MREG: variants seen among roughly 807,000 people sequenced by gnomAD.
MREG encodes the protein melanoregulin, also known as dilute suppressor protein homolog.
In MREG, 31 loss-of-function variants were observed where a neutral mutation model predicts 28.5. That is an observed-to-expected ratio of 1.09 (90% CI 0.82 to 1.47). MREG has a LOEUF of 1.47. Among genes scored for constraint, MREG ranks in the 40% most tolerant of loss-of-function variants. MREG has a pLI of 0.00. For synonymous variants in MREG, 106 were observed against 95.2 expected, an observed-to-expected ratio of 1.11 and a Z score of -0.66; for missense variants, 256 against 257.4, an observed-to-expected ratio of 0.99 and a Z score of 0.04.
At chr2:215,963,652 C>T (rs557451168) in intron 2 of MREG, among the ~76,000 whole-genome samples, 2 of 152,216 alleles carry the variant, frequency 1.3e-5, no homozygotes, top group Admixed American at 1.3e-4. Context: ...ACATTATACT[C>T]AATTGTTTAA....
rs1693132754 is a variant in MREG at position 215,972,607 on chromosome 2, C to G, written c.255+23699G>C. 4.8e-5 allele frequency among the ~76,000 whole-genome samples: 6 copies of G among 126,078 alleles called. No homozygotes were observed. In the South Asian group the frequency reaches 1.6e-3, roughly 33 times the overall value. The allele number at this position is 126,078 out of a possible 152,430, so 82.7% of individuals were successfully genotyped here. ...CTTCAGTCTAGCCAATAGAGTGAGA[C>G]TCTCTCCCAGAAAAAAAAAAAAAAA... is the stretch of plus-strand genomic sequence containing the variant. On this transcript the variant is annotated intron_variant, in intron 2 of 4. Transcript: ENST00000263268.
intron 1 of MREG, among the ~76,000 whole-genome samples, chr2:216,026,257 A>C (rs1694592759): frequency 6.6e-6 from 1 of 152,242 alleles, no homozygotes; most frequent in African/African-American, 2.4e-5. Flanking sequence ...GGATGATGAA[A>C]ACGTTTTGAA....
At chr2:215,945,837 T>A in intron 3 of MREG, 103 bp from the exon 4 acceptor site, 1 of 981,616 alleles carries the variant, frequency 1.0e-6, no homozygotes, top group Admixed American at 2.8e-5. Context: ...ATGTGGATTC[T>A]GTACAAGCAT....
chr2:215,960,901 G>A (rs1225781579), intron 2 of MREG, among the ~76,000 whole-genome samples: 1 of 152,056 alleles, frequency 6.6e-6, no homozygotes, highest in Admixed American at 6.6e-5. Context: ...GTCAAGGAGG[G>A]CACCCTCTTC....
At chr2:215,992,880 G>A (rs1437072257) in intron 2 of MREG, among the ~76,000 whole-genome samples, 2 of 152,092 alleles carry the variant, frequency 1.3e-5, no homozygotes, top group African/African-American at 2.4e-5. Flanking sequence ...CCTCTTCAGG[G>A]AGAACTACAA....
intron 2 of MREG, among the ~76,000 whole-genome samples, chr2:215,990,467 C>T (rs1349899062): frequency 2.0e-5 from 3 of 152,198 alleles, no homozygotes; most frequent in Non-Finnish European, 1.5e-5. Context: ...ACCATCGACA[C>T]TATGAAGAAA....
upstream of MREG, among the ~76,000 whole-genome samples, chr2:216,015,477 C>T (rs914075786): frequency 3.9e-5 from 6 of 152,184 alleles, no homozygotes; most frequent in African/African-American, 1.4e-4. Flanking sequence ...TAGCGGAACA[C>T]GGGACGTTGC....
rs140711257 is a variant in MREG at position 216,012,404 on chromosome 2, G to A, written c.95+829C>T. On this transcript the variant is annotated intron_variant, in intron 1 of 4. Transcript: ENST00000263268. The stretch of plus-strand genomic sequence containing the variant: ...GAAAAAGTTGTGCAAGCTGTATTAC[G>A]TGAGTTTCATACTTCAAAAGAAAGA... 3.6e-3 allele frequency among the ~76,000 whole-genome samples: 553 copies of A among 152,236 alleles called. 5 individuals are homozygous for A. Among genetic ancestry groups the A allele is most frequent in the African/African-American group, 0.013 (538 of 41,548 alleles).
At chr2:215,945,420 G>T in intron 4 of MREG, 151 bp downstream of exon 4, 1 of 898,730 alleles carries the variant, frequency 1.1e-6, no homozygotes, top group Non-Finnish European at 1.7e-6. Flanking sequence ...TGATGCTGCG[G>T]GCCACTGGGG....
chr2:216,025,263 G>C (rs1484714413), intron 1 of MREG, among the ~76,000 whole-genome samples: 2 of 152,092 alleles, frequency 1.3e-5, no homozygotes, highest in Non-Finnish European at 2.9e-5. Flanking sequence ...TAAAGATCTC[G>C]ACAGGACAAA....
intron 2 of MREG, among the ~76,000 whole-genome samples, chr2:215,969,765 A>AACATGT (rs1336580364): frequency 6.6e-6 from 1 of 152,136 alleles, no homozygotes; most frequent in Non-Finnish European, 1.5e-5. Context: ...TGCAGAGACC[A>AACATGT]GCAGACCCAG....
chr2:215,998,363 G>A (rs972647397), intron 1 of MREG, among the ~76,000 whole-genome samples: 1 of 151,350 alleles, frequency 6.6e-6, no homozygotes, highest in Non-Finnish European at 1.5e-5. Flanking sequence ...CAACAACCAG[G>A]GCCCACTTAC....
chr2:215,951,236 G>T (rs1263421690), intron 2 of MREG, among the ~76,000 whole-genome samples: 1 of 152,156 alleles, frequency 6.6e-6, no homozygotes, highest in Non-Finnish European at 1.5e-5. Flanking sequence ...TGCAGCAAAT[G>T]AAAAATAGTG....
intron 2 of MREG, among the ~76,000 whole-genome samples, chr2:215,974,199 T>TA (rs1217060242): frequency 6.6e-6 from 1 of 152,058 alleles, no homozygotes; most frequent in Non-Finnish European, 1.5e-5. Flanking sequence ...TCCTGGGCTG[T>TA]AAATAGCATG....
Position 215,943,342 on chromosome 2 carries a change from G to T in MREG, c.*1521C>A. On this transcript the variant is annotated 3_prime_UTR_variant, in exon 5 of 5. Transcript: ENST00000263268. ...TAGAGAGAAGCAAGCTGCATTCACAGCATTGCTCCCTTTTGAAAATTATCT... is the reference window on the plus strand; with the variant it reads ...TAGAGAGAAGCAAGCTGCATTCACATCATTGCTCCCTTTTGAAAATTATCT... 1 of 456,146 alleles carries T rather than the reference G, an allele frequency of 2.2e-6. No homozygotes were observed. Among genetic ancestry groups the T allele is most frequent in the Non-Finnish European group, 4.4e-6 (1 of 226,686 alleles). 28.3% of individuals were successfully genotyped at this position (456,146 alleles called of 1,614,324 possible). A position where few individuals can be genotyped will look rare whatever the true frequency, so the allele number is the denominator to read the frequency against.
intron 2 of MREG, among the ~76,000 whole-genome samples, chr2:215,962,865 G>A (rs1312641386): frequency 6.6e-6 from 1 of 152,204 alleles, no homozygotes; most frequent in African/African-American, 2.4e-5. Context: ...GCCAAGCATG[G>A]TGGCTCACGC....
chr2:215,956,350 T>C (rs939665719), intron 2 of MREG, among the ~76,000 whole-genome samples: 1 of 152,200 alleles, frequency 6.6e-6, no homozygotes, highest in African/African-American at 2.4e-5. Flanking sequence ...TATCTATCTA[T>C]CTACCTACCT....
At chr2:215,991,240 C>T (rs1339390877) in intron 2 of MREG, among the ~76,000 whole-genome samples, 1 of 152,200 alleles carries the variant, frequency 6.6e-6, no homozygotes, top group Non-Finnish European at 1.5e-5. Flanking sequence ...AAGAAACTCA[C>T]TGAAAACCAC....
chr2:215,951,032 C>T (rs1487713583), intron 2 of MREG, among the ~76,000 whole-genome samples: 1 of 151,986 alleles, frequency 6.6e-6, no homozygotes, highest in Non-Finnish European at 1.5e-5. Flanking sequence ...TCTCTCTCTC[C>T]TGCCACCGTG....
Sources: allele counts gnomAD v4.1 joint callset (sites outside exome capture counted in the v4.1 genomes callset), GRCh38; gene constraint gnomAD v4.1.1; transcripts MANE v1.5; gene names NCBI Gene and HGNC (gene_info 2026-07-23, HGNC 2026-07-21).